The following LRMDA variants were observed in gnomAD, a reference collection of about 807,000 sequenced individuals.
The protein encoded by LRMDA is leucine-rich melanocyte differentiation-associated protein.
A neutral mutation model predicts 29.8 loss-of-function variants in LRMDA; 18 were observed. The ratio of observed to expected loss-of-function variants is 0.60; its 90% CI spans 0.42 to 0.90. The LOEUF is 0.90. LRMDA is among the 40% of genes least tolerant of loss of function. The probability of loss-of-function intolerance (pLI) is 0.00; values close to 1 mark genes in which losing one functional copy is unlikely to be tolerated. For synonymous variants in LRMDA, 125 were observed against 109.4 expected (o/e 1.14, Z -0.89); for missense variants, 273 against 273.9 (o/e 1.00, Z 0.02).
At chr10:76,290,685 G>A (rs1006718940) in intron 5 of LRMDA, among the ~76,000 whole-genome samples, 2 of 152,116 alleles carry the variant, frequency 1.3e-5, no homozygotes, top group African/African-American at 4.8e-5. Context: ...GCCTTCCAAA[G>A]TGCTGGGATT....
At chr10:75,517,132 A>G (rs549962847) in intron 2 of LRMDA, among the ~76,000 whole-genome samples, 320 of 152,166 alleles carry the variant, frequency 2.1e-3, no homozygotes, top group Middle Eastern at 3.4e-3. Flanking sequence ...GTCAGGTAGC[A>G]TGATGCCTCC....
intron 4 of LRMDA, among the ~76,000 whole-genome samples, chr10:76,048,645 C>T (rs1848480519): frequency 6.6e-6 from 1 of 152,184 alleles, no homozygotes; most frequent in Non-Finnish European, 1.5e-5. Context: ...CCAAGGTATT[C>T]TGATGCAGTT....
At chr10:76,314,870 T>C (rs1840672459) in intron 5 of LRMDA, among the ~76,000 whole-genome samples, 1 of 152,214 alleles carries the variant, frequency 6.6e-6, no homozygotes, top group Non-Finnish European at 1.5e-5. Context: ...AATTCTTTCA[T>C]GTATTATTAA....
intron 2 of LRMDA, among the ~76,000 whole-genome samples, chr10:75,764,030 G>A (rs1843129758): frequency 1.3e-5 from 2 of 152,142 alleles, no homozygotes; most frequent in South Asian, 2.1e-4. Flanking sequence ...TTCAGGAACT[G>A]CTTGCCAGTG....
intron 6 of LRMDA, among the ~76,000 whole-genome samples, chr10:76,490,538 CTTT>C (rs1842823710): frequency 6.6e-6 from 1 of 151,798 alleles, no homozygotes; most frequent in South Asian, 2.1e-4. Flanking sequence ...CAGTGATCTT[CTTT>C]GTCTCTTCCT....
At chr10:75,483,632 T>A (rs1844876573) in intron 2 of LRMDA, among the ~76,000 whole-genome samples, 1 of 152,210 alleles carries the variant, frequency 6.6e-6, no homozygotes, top group Non-Finnish European at 1.5e-5. Context: ...TAAGTCCTAG[T>A]TAATTGAATG....
At chr10:75,449,897 G>C (rs544662924) in intron 2 of LRMDA, among the ~76,000 whole-genome samples, 41 of 152,258 alleles carry the variant, frequency 2.7e-4, no homozygotes, top group African/African-American at 9.6e-4. Flanking sequence ...TGAATTTTGA[G>C]TCTGAAGGGA....
At chr10:75,440,353 C>T (rs542876011) in intron 2 of LRMDA, among the ~76,000 whole-genome samples, 19 of 151,758 alleles carry the variant, frequency 1.3e-4, no homozygotes, top group African/African-American at 4.4e-4. Context: ...GTTGGTTTCA[C>T]ATCTGGTCAG....
chr10:76,222,035 A>G (rs1318948650), intron 5 of LRMDA, among the ~76,000 whole-genome samples: 2 of 152,146 alleles, frequency 1.3e-5, no homozygotes, highest in East Asian at 3.9e-4. Flanking sequence ...TCCCTATTTA[A>G]TAAATGGTGC....
At chr10:76,381,573 C>T (rs1001514640) in intron 6 of LRMDA, among the ~76,000 whole-genome samples, 3 of 152,120 alleles carry the variant, frequency 2.0e-5, no homozygotes, top group African/African-American at 7.2e-5. Context: ...TCACTAACTA[C>T]CCTCTCCTCA....
chr10:76,536,839 T>C (rs1843296590), intron 6 of LRMDA, among the ~76,000 whole-genome samples: 1 of 152,176 alleles, frequency 6.6e-6, no homozygotes, highest in Non-Finnish European at 1.5e-5. Flanking sequence ...ACTGTGTGAA[T>C]ATTTTCTTCC....
chr10:76,061,830 A>G (rs997662101), intron 5 of LRMDA, among the ~76,000 whole-genome samples: 1 of 152,204 alleles, frequency 6.6e-6, no homozygotes, highest in Non-Finnish European at 1.5e-5. Context: ...ATCGAACTGG[A>G]TGCCTACATT....
rs117218128 is a variant in LRMDA at position 76,237,284 on chromosome 10, A to G, written c.517-87117A>G. Among the ~76,000 whole-genome samples the G allele has an allele frequency of 9.9e-3, 1,510 of 152,356 alleles. 12 individuals are homozygous for G. Among genetic ancestry groups the G allele is most frequent in the Non-Finnish European group, 0.013 (915 of 68,042 alleles). On this transcript the variant is annotated intron_variant, in intron 5 of 6. Coordinates refer to ENST00000611255, the MANE Select transcript of LRMDA (RefSeq NM_001305581.2). ...TTATATATGTCAGATATTATACAAA[A>G]ATACATGTGTAGATAATTATACATA...
At chr10:75,525,157 A>G (rs1294089827) in intron 2 of LRMDA, among the ~76,000 whole-genome samples, 4 of 152,234 alleles carry the variant, frequency 2.6e-5, no homozygotes, top group African/African-American at 4.8e-5. Context: ...TTGGCTATAC[A>G]GCATCCTCAC....
chr10:75,509,473 T>C (rs1207991775), intron 2 of LRMDA, among the ~76,000 whole-genome samples: 1 of 152,228 alleles, frequency 6.6e-6, no homozygotes, highest in Non-Finnish European at 1.5e-5. Flanking sequence ...AGAAAGACTT[T>C]AAGACTGTGG....
chr10:76,047,160 T>G lies in LRMDA; in HGVS notation c.259-4T>G, dbSNP rs1434616693. On this transcript the variant is annotated splice_region_variant and splice_polypyrimidine_tract_variant and intron_variant, in intron 3 of 6. Transcript: ENST00000611255. ...ACTGGACCAAGATTCTTAACCTTTG[T>G]CACATCACTGATTTGGAGAACCTGC... 1 of 1,613,960 alleles carries G rather than the reference T, an allele frequency of 6.2e-7. No individual in the cohort carries two copies. Among genetic ancestry groups the G allele is most frequent in the Admixed American group, 1.7e-5 (1 of 60,004 alleles).
chr10:76,374,207 A>G (rs965035176), intron 6 of LRMDA, among the ~76,000 whole-genome samples: 1 of 152,214 alleles, frequency 6.6e-6, no homozygotes, highest in African/African-American at 2.4e-5. Flanking sequence ...TTAAAAGTCC[A>G]TCTGTCTTTG....
At position 75,802,969 on chromosome 10, in the gene LRMDA, TATA is replaced by T. The variant is rs1205590263; in HGVS notation, c.132-233038_132-233036del. On this transcript the variant is annotated intron_variant, in intron 2 of 6. Transcript: ENST00000611255. ...GTGTGTGTGTGTATATATATATATATATATTTTTTTTTTTTTCTTAGCTCCCTT... is the reference window on the plus strand; with the variant it reads ...GTGTGTGTGTGTATATATATATATATTTTTTTTTTTTTTCTTAGCTCCCTT... Among the ~76,000 whole-genome samples the T allele has an allele frequency of 9.0e-4, 108 of 119,880 alleles. 2 individuals carry two copies. The highest frequency in any genetic ancestry group is 3.3e-3 in the Admixed American group (43 of 13,086). The allele number at this position is 119,880 out of a possible 152,430, so 78.6% of individuals were successfully genotyped here. A position where few individuals can be genotyped will look rare whatever the true frequency, so the allele number is the denominator to read the frequency against.
intron 6 of LRMDA, among the ~76,000 whole-genome samples, chr10:76,431,115 G>C (rs1842186070): frequency 1.3e-5 from 2 of 152,054 alleles, no homozygotes; most frequent in African/African-American, 4.8e-5. Context: ...TCTCTCCCTG[G>C]GAGGAAGAAG....
Sources: gnomAD v4.1 joint callset for allele counts (sites outside exome capture counted in the v4.1 genomes callset) on GRCh38, gnomAD v4.1.1 for gene constraint, MANE v1.5 for transcripts, NCBI Gene and HGNC (gene_info 2026-07-23, HGNC 2026-07-21) for gene names.